RBFOX1: variants seen among roughly 807,000 people sequenced by gnomAD.
The protein encoded by RBFOX1 is RNA binding fox-1 homolog 1.
A neutral mutation model predicts 57.7 loss-of-function variants in RBFOX1; 8 were observed. The observed-to-expected ratio is 0.14, with a 90% CI of 0.08 to 0.25. The LOEUF (loss-of-function observed/expected upper bound fraction) is 0.25, where lower values mean the gene tolerates loss of function less well. Among genes scored for constraint, RBFOX1 ranks in the 10% least tolerant of loss-of-function variants. The pLI, the probability that RBFOX1 is intolerant of heterozygous loss-of-function variation, is 1.00. For synonymous variants in RBFOX1, 326 were observed against 222.4 expected (o/e 1.47, Z -4.15); for missense variants, 611 against 548.5 (o/e 1.11, Z -1.14).
intron 8 of RBFOX1, 180 bp from the exon 9 acceptor site, chr16:7,597,191 G>C (rs749646735): frequency 2.0e-5 from 10 of 506,540 alleles, no homozygotes; most frequent in Non-Finnish European, 3.5e-5. Context: ...CGGTTATGAA[G>C]TAAATGTAAT....
At chr16:6,661,757 G>A (rs541007758) in intron 3 of RBFOX1, among the ~76,000 whole-genome samples, 144 of 152,318 alleles carry the variant, frequency 9.5e-4, no homozygotes, top group Non-Finnish European at 1.8e-3. Flanking sequence ...CTTGTGATGT[G>A]TGACAGAATG....
intron 3 of RBFOX1, among the ~76,000 whole-genome samples, chr16:6,812,735 A>G (rs1362999544): frequency 6.6e-6 from 1 of 152,136 alleles, no homozygotes; most frequent in East Asian, 1.9e-4. Context: ...GTGTGGCCTC[A>G]TGCAACATGG....
intron 4 of RBFOX1, among the ~76,000 whole-genome samples, chr16:6,011,560 C>T (rs2094961451): frequency 6.6e-6 from 1 of 152,112 alleles, no homozygotes; most frequent in African/African-American, 2.4e-5. Context: ...GCCGTGTAGG[C>T]TTCTCTGTAG....
Position 6,972,507 on chromosome 16 carries a change from C to T in RBFOX1, c.-15-79550C>T, listed in dbSNP as rs537876502. 9.2e-5 allele frequency among the ~76,000 whole-genome samples: 14 copies of T among 152,210 alleles called. No homozygotes were observed. The South Asian group carries it at 1.9e-3, about 20-fold the overall frequency. ...CATCTGTCAGTGGACATTTGGGTTG[C>T]CGCCACTTGTTGGTGTCTGAATAGT... is the stretch of plus-strand genomic sequence containing the variant. On this transcript the variant is annotated intron_variant, in intron 3 of 15. Transcript: ENST00000550418.
intron 2 of RBFOX1, among the ~76,000 whole-genome samples, chr16:5,533,443 C>G (rs925464253): frequency 6.6e-6 from 1 of 152,128 alleles, no homozygotes; most frequent in Non-Finnish European, 1.5e-5. Flanking sequence ...TGCAGGCACA[C>G]TGAGAGGGGT....
intron 3 of RBFOX1, among the ~76,000 whole-genome samples, chr16:5,841,727 C>T (rs1370338471): frequency 1.3e-5 from 2 of 152,188 alleles, no homozygotes; most frequent in Non-Finnish European, 1.5e-5. Context: ...TGTAGAGGCC[C>T]AGTGCTCTGT....
intron 2 of RBFOX1, among the ~76,000 whole-genome samples, chr16:6,586,170 C>T (rs2097612521): frequency 6.6e-6 from 1 of 152,174 alleles, no homozygotes; most frequent in African/African-American, 2.4e-5. Context: ...CAGAAGGCAG[C>T]CGTAGGCAGT....
At chr16:7,626,561 G>C (rs1328743659) in intron 10 of RBFOX1, among the ~76,000 whole-genome samples, 2 of 152,164 alleles carry the variant, frequency 1.3e-5, no homozygotes, top group South Asian at 4.1e-4. Context: ...TGTCTGCCAG[G>C]TGCTGATACA....
chr16:7,032,453 A>C (rs1157457459), intron 3 of RBFOX1, among the ~76,000 whole-genome samples: 1 of 152,008 alleles, frequency 6.6e-6, no homozygotes, highest in Non-Finnish European at 1.5e-5. Context: ...AAAAACAAAC[A>C]AATAAATAAA....
At chr16:5,625,466 C>A (rs907051847) in intron 3 of RBFOX1, among the ~76,000 whole-genome samples, 1 of 152,034 alleles carries the variant, frequency 6.6e-6, no homozygotes, top group Non-Finnish European at 1.5e-5. Context: ...TGTGCCTGAC[C>A]GCTGCACCGT....
At chr16:6,894,631 C>T (rs949331351) in intron 3 of RBFOX1, among the ~76,000 whole-genome samples, 2 of 152,176 alleles carry the variant, frequency 1.3e-5, no homozygotes, top group Non-Finnish European at 2.9e-5. Context: ...TAAACTGACA[C>T]TTTCTCTCAC....
At chr16:6,212,413 C>T (rs1414660392) in intron 1 of RBFOX1, among the ~76,000 whole-genome samples, 1 of 150,874 alleles carries the variant, frequency 6.6e-6, no homozygotes, top group African/African-American at 2.4e-5. Flanking sequence ...ATTTATAAAG[C>T]ATATATCCAC....
At chr16:6,936,292 C>A (rs759461181) in intron 3 of RBFOX1, among the ~76,000 whole-genome samples, 1 of 152,112 alleles carries the variant, frequency 6.6e-6, no homozygotes, top group Non-Finnish European at 1.5e-5. Flanking sequence ...CCGTTTTATG[C>A]CGTTAAGTTT....
upstream of RBFOX1, among the ~76,000 whole-genome samples, chr16:6,014,094 C>G (rs1335871452): frequency 6.6e-6 from 1 of 151,878 alleles, no homozygotes; most frequent in Non-Finnish European, 1.5e-5. Context: ...CACATGTACC[C>G]TAAAACTTAA....
At chr16:6,414,323 T>G (rs952049059) in intron 2 of RBFOX1, among the ~76,000 whole-genome samples, 3 of 152,216 alleles carry the variant, frequency 2.0e-5, no homozygotes, top group African/African-American at 7.2e-5. Context: ...AATTTCCCAG[T>G]CCTCTTCTCT....
intron 3 of RBFOX1, among the ~76,000 whole-genome samples, chr16:6,987,814 G>A (rs752979812): frequency 7.9e-5 from 12 of 152,166 alleles, no homozygotes; most frequent in East Asian, 1.9e-4. Context: ...TGACTGGTCC[G>A]TGGAGTGACA....
chr16:5,390,538 C>T (rs1303536241), intron 1 of RBFOX1, among the ~76,000 whole-genome samples: 1 of 152,144 alleles, frequency 6.6e-6, no homozygotes, highest in Non-Finnish European at 1.5e-5. Flanking sequence ...ATCCACCTGC[C>T]TCGGCCTCCC....
intron 4 of RBFOX1, among the ~76,000 whole-genome samples, chr16:7,420,103 G>C (rs1456732187): frequency 1.3e-5 from 2 of 151,958 alleles, no homozygotes; most frequent in African/African-American, 4.8e-5. Context: ...TTCCTGTTCA[G>C]CGTTTGACAA....
chr16:7,192,770 T>G (rs909049573), intron 4 of RBFOX1, among the ~76,000 whole-genome samples: 3 of 152,222 alleles, frequency 2.0e-5, no homozygotes, highest in Non-Finnish European at 4.4e-5. Context: ...GCAATCTTTC[T>G]GTGAGTCTAA....
Sources: allele counts gnomAD v4.1 joint callset (sites outside exome capture counted in the v4.1 genomes callset), GRCh38; gene constraint gnomAD v4.1.1; transcripts MANE v1.5; gene names NCBI Gene and HGNC (gene_info 2026-07-23, HGNC 2026-07-21).